The following LRRC4C variants were observed in gnomAD, a reference collection of about 807,000 sequenced individuals.
LRRC4C encodes leucine-rich repeat-containing protein 4C.
A neutral mutation model predicts 33.6 loss-of-function variants in LRRC4C; 5 were observed. The ratio of observed to expected loss-of-function variants is 0.15; its 90% CI spans 0.08 to 0.31. The LOEUF is 0.31. Ranked by LOEUF, LRRC4C falls within the 10% of genes least tolerant of loss-of-function variation. LRRC4C has a pLI of 1.00. For missense variants in LRRC4C, 560 were observed against 796.7 expected (o/e 0.70, Z 3.58); for synonymous variants, 329 against 302.0 (o/e 1.09, Z -0.93).
chr11:40,700,075 A>T (rs1226247390), intron 2 of LRRC4C, among the ~76,000 whole-genome samples: 1 of 151,972 alleles, frequency 6.6e-6, no homozygotes, highest in Non-Finnish European at 1.5e-5. Flanking sequence ...AGTTAAGGGG[A>T]GGGGGACTTT....
intron 1 of LRRC4C, among the ~76,000 whole-genome samples, chr11:41,256,740 A>G (rs1277315624): frequency 1.3e-5 from 2 of 152,018 alleles, no homozygotes; most frequent in African/African-American, 4.8e-5. Flanking sequence ...GTCTGTTTAG[A>G]TCACCCTGAA....
chr11:40,951,250 GC>G (rs1469630061), intron 1 of LRRC4C, among the ~76,000 whole-genome samples: 1 of 151,832 alleles, frequency 6.6e-6, no homozygotes, highest in African/African-American at 2.4e-5. Flanking sequence ...AAAGAAGAAA[GC>G]CTTGTTTTCC....
At chr11:40,741,790 A>G (rs1229281160) in intron 2 of LRRC4C, among the ~76,000 whole-genome samples, 2 of 152,068 alleles carry the variant, frequency 1.3e-5, no homozygotes. Flanking sequence ...TGATCTGATT[A>G]CCACTCTCTT....
chr11:40,801,324 A>G (rs533370978), intron 2 of LRRC4C, among the ~76,000 whole-genome samples: 1 of 152,220 alleles, frequency 6.6e-6, no homozygotes, highest in South Asian at 2.1e-4. Flanking sequence ...TCACTATTCT[A>G]ACCAATATTC....
intron 5 of LRRC4C, among the ~76,000 whole-genome samples, chr11:40,217,417 C>A (rs1334940433): frequency 2.0e-5 from 3 of 151,978 alleles, no homozygotes; most frequent in Non-Finnish European, 4.4e-5. Flanking sequence ...CAGACAAAGA[C>A]TGTAACAAAA....
intron 2 of LRRC4C, among the ~76,000 whole-genome samples, chr11:40,701,437 G>A (rs544446690): frequency 6.6e-6 from 1 of 151,846 alleles, no homozygotes; most frequent in East Asian, 1.9e-4. Flanking sequence ...AGCACATCCA[G>A]TGAAGGTGGA....
chr11:41,368,955 G>A lies in LRRC4C; in HGVS notation c.-496+90476C>T, dbSNP rs150694536. On this transcript the variant is annotated intron_variant, in intron 1 of 6. Transcript: ENST00000528697. ...GAGAAAATTGAGGACTTCTTAAAAG[G>A]ATATCCTCTTGTTCTCTACTTTCTA... Among the ~76,000 whole-genome samples, 50 of 152,202 alleles carry A rather than the reference G, an allele frequency of 3.3e-4. 1 individual carries two copies. The highest frequency in any genetic ancestry group is 2.0e-3 in the Admixed American group (31 of 15,276).
Position 40,691,877 on chromosome 11 carries a change from G to A in LRRC4C, c.-406-43599C>T, listed in dbSNP as rs561671726. ...TTTAGAGAACTGTGCACCTTGAATA[G>A]TTAACTTTCTGATTTGGATGTGAGG... On this transcript the variant is annotated intron_variant, in intron 2 of 6. Coordinates refer to ENST00000528697, the MANE Select transcript of LRRC4C (RefSeq NM_001258419.2). Among the ~76,000 whole-genome samples the A allele has an allele frequency of 3.9e-5, 6 of 152,220 alleles. No homozygotes were observed. In the South Asian group the frequency reaches 1.2e-3, roughly 32 times the overall value.
At chr11:40,846,141 T>C (rs1223387511) in intron 2 of LRRC4C, among the ~76,000 whole-genome samples, 1 of 152,150 alleles carries the variant, frequency 6.6e-6, no homozygotes, top group Non-Finnish European at 1.5e-5. Flanking sequence ...CTGTTCACTC[T>C]GATGATAGTT....
chr11:40,750,729 C>T (rs1199868049), intron 2 of LRRC4C, among the ~76,000 whole-genome samples: 1 of 150,520 alleles, frequency 6.6e-6, no homozygotes, highest in Non-Finnish European at 1.5e-5. Flanking sequence ...GTGCAGCACA[C>T]CAACATGGCA....
At chr11:41,269,600 G>C (rs1949258547) in intron 1 of LRRC4C, among the ~76,000 whole-genome samples, 1 of 152,028 alleles carries the variant, frequency 6.6e-6, no homozygotes, top group African/African-American at 2.4e-5. Flanking sequence ...GAAGAGGGAA[G>C]ATGACACGGT....
chr11:41,434,891 C>T (rs557379625), intron 1 of LRRC4C, among the ~76,000 whole-genome samples: 1 of 152,182 alleles, frequency 6.6e-6, no homozygotes, highest in South Asian at 2.1e-4. Context: ...TTCTTGCCTG[C>T]TTTTTGTTTT....
intron 1 of LRRC4C, among the ~76,000 whole-genome samples, chr11:41,268,203 G>C (rs544244742): frequency 2.0e-5 from 3 of 152,036 alleles, no homozygotes; most frequent in Admixed American, 2.0e-4. Context: ...AGTTCTGCTG[G>C]GGGCCTGCCA....
intron 1 of LRRC4C, among the ~76,000 whole-genome samples, chr11:41,048,832 T>C (rs549071657): frequency 6.6e-6 from 1 of 152,298 alleles, no homozygotes; most frequent in Admixed American, 6.5e-5. Context: ...GTGAAGCCAA[T>C]GGGCATGGAC....
At chr11:40,615,015 G>C (rs546866386) in intron 3 of LRRC4C, among the ~76,000 whole-genome samples, 1 of 151,626 alleles carries the variant, frequency 6.6e-6, no homozygotes, top group South Asian at 2.1e-4. Flanking sequence ...AAGTGAGCAC[G>C]TGCTGTTGGA....
At chr11:41,188,908 C>T (rs1203124643) in intron 1 of LRRC4C, among the ~76,000 whole-genome samples, 1 of 136,726 alleles carries the variant, frequency 7.3e-6, no homozygotes, top group African/African-American at 2.6e-5. Context: ...CCTGCCCCCC[C>T]CCCCAAAAAA....
intron 5 of LRRC4C, among the ~76,000 whole-genome samples, chr11:40,210,332 G>A (rs1232381919): frequency 6.6e-6 from 1 of 152,042 alleles, no homozygotes; most frequent in Non-Finnish European, 1.5e-5. Context: ...AGCTTTCTGG[G>A]CTTGTCTCAA....
intron 1 of LRRC4C, among the ~76,000 whole-genome samples, chr11:41,009,511 G>A (rs1855018318): frequency 6.6e-6 from 1 of 151,988 alleles, no homozygotes; most frequent in South Asian, 2.1e-4. Context: ...TGTAGCCACA[G>A]GCAAATCATA....
At chr11:40,640,306 C>T (rs1179751612) in intron 3 of LRRC4C, among the ~76,000 whole-genome samples, 2 of 152,074 alleles carry the variant, frequency 1.3e-5, no homozygotes, top group Non-Finnish European at 2.9e-5. Context: ...CTAACTTATA[C>T]AAGTCCTTTT....
Sources: gnomAD v4.1 joint callset for allele counts (sites outside exome capture counted in the v4.1 genomes callset) on GRCh38, gnomAD v4.1.1 for gene constraint, MANE v1.5 for transcripts, NCBI Gene and HGNC (gene_info 2026-07-23, HGNC 2026-07-21) for gene names.